The following TNRC18 variants were observed in gnomAD, a reference collection of about 807,000 sequenced individuals.
The protein encoded by TNRC18 is trinucleotide repeat containing 18.
TNRC18 carries 69 observed loss-of-function variants against 226.7 expected under a neutral mutation model. That is an observed-to-expected ratio of 0.30 (90% CI 0.25 to 0.37). TNRC18 has a LOEUF of 0.37. Ranked by LOEUF, TNRC18 falls within the 10% of genes least tolerant of loss-of-function variation. The probability of loss-of-function intolerance (pLI) is 1.00; values close to 1 mark genes in which losing one functional copy is unlikely to be tolerated. For synonymous variants in TNRC18, 2,449 were observed against 1,927.6 expected, an observed-to-expected ratio of 1.27 and a Z score of -7.09; for missense variants, 4,754 against 4,256.6, an observed-to-expected ratio of 1.12 and a Z score of -3.25.
intron 19 of TNRC18, among the ~76,000 whole-genome samples, chr7:5,327,344 G>A (rs1302233736): frequency 6.6e-6 from 1 of 151,806 alleles, no homozygotes; most frequent in African/African-American, 2.4e-5. Flanking sequence ...CATTTTGGGG[G>A]GGAAAAATAT....
intron 2 of TNRC18, chr7:5,420,743 T>G: frequency 1.7e-6 from 1 of 597,298 alleles, no homozygotes; most frequent in East Asian, 3.5e-5. Context: ...CGCCCAGATT[T>G]TGAAAACTCC....
rs374636899 is a variant in TNRC18 at position 5,359,536 on chromosome 7, A to C, written c.4695T>G (p.Asp1565Glu). The C allele has an allele frequency of 3.1e-6, 5 of 1,613,794 alleles. No individual in the cohort carries two copies. In the African/African-American group the frequency reaches 4.0e-5, roughly 13 times the overall value. ...LSSKSLLTSD[D>E]YELGAGIRKR... Reference sequence around the variant, plus strand: ...TTCTTATCCCTGCTCCCAGCTCATAATCATCTGATGTCAGCAGAGACTTGC... The same window carrying C: ...TTCTTATCCCTGCTCCCAGCTCATACTCATCTGATGTCAGCAGAGACTTGC... The change falls in exon 15 of 30, where the codon GAT becomes GAG. Residue 1565 changes from aspartate to glutamate, a missense_variant. Asp to Glu is a conservative substitution (Grantham distance 45). Coordinates refer to ENST00000430969, the MANE Select transcript of TNRC18 (RefSeq NM_001080495.3).
In TNRC18 at chr7:5,316,072, C is replaced by T; in HGVS notation, c.6746G>A (p.Gly2249Glu). The T allele has an allele frequency of 6.2e-7, 1 of 1,611,038 alleles. No homozygotes were observed. The highest frequency in any genetic ancestry group is 8.5e-7 in the Non-Finnish European group (1 of 1,178,672). The stretch of plus-strand genomic sequence containing the variant: ...CCCATCGTCCTCCAGGTCCAGTAAC[C>T]CTGTGGGAAGAGGGGAGGCTCAGGG... ...RCLYPGTVVR[G>E]LLDLEDDGDL... The change falls in exon 25 of 30, where the codon GGG (glycine) becomes GAG (glutamate). Residue 2249 changes from glycine (G) to glutamate (E), a missense_variant and splice_region_variant. Coordinates refer to ENST00000430969, the MANE Select transcript of TNRC18 (RefSeq NM_001080495.3).
chr7:5,316,129 G>A (rs1004435520), intron 24 of TNRC18, 57 bp from the exon 25 acceptor site: 16 of 1,370,696 alleles, frequency 1.2e-5, no homozygotes, highest in African/African-American at 5.7e-5. Flanking sequence ...CCCTAGTGAC[G>A]CACAAGGGTC....
At position 5,359,430 on chromosome 7, in the gene TNRC18, C is replaced by T; in HGVS notation, c.4801G>A (p.Glu1601Lys). 6.2e-7 allele frequency: 1 copy of T among 1,614,060 alleles called. No homozygotes were observed. The highest frequency in any genetic ancestry group is 8.5e-7 in the Non-Finnish European group (1 of 1,179,900). ...ATGAAGTCCGACGAGGCCTCATGTTCATCCCAAGTCTGGTTCCTCCCCCTG... is the reference window on the plus strand; with the variant it reads ...ATGAAGTCCGACGAGGCCTCATGTTTATCCCAAGTCTGGTTCCTCCCCCTG... Reference protein sequence around the residue: ...KARGRNQTWDEHEASSDFISQ... With the variant: ...KARGRNQTWDKHEASSDFISQ... Residue 1601 changes from glutamate to lysine, a missense_variant, in exon 15 of 30, where the codon GAA becomes AAA. Coordinates refer to ENST00000430969, the MANE Select transcript of TNRC18 (RefSeq NM_001080495.3).
intron 5 of TNRC18, among the ~76,000 whole-genome samples, chr7:5,380,374 A>T (rs1779314981): frequency 6.6e-6 from 1 of 152,220 alleles, no homozygotes; most frequent in Admixed American, 6.5e-5. Flanking sequence ...TGAGCCCAGG[A>T]GGTGGAGACT....
intron 3 of TNRC18, 54 bp from the exon 4 acceptor site, chr7:5,390,682 A>C: frequency 6.9e-7 from 1 of 1,452,118 alleles, no homozygotes; most frequent in Non-Finnish European, 9.1e-7. Context: ...GCTCACCAGG[A>C]GCTTCCTTCC....
rs1787313072 is a variant in TNRC18, at chr7:5,312,337, G to A, written c.8388+166C>T. ...AGTCCGACAGACCCAGGTGCCTGAG[G>A]ACACTCTGAGACTCAGTGTACCCAT... On this transcript the variant is annotated intron_variant, in intron 27 of 29. Transcript: ENST00000430969. The surrounding 1 kb of genome is among the most constrained non-coding windows in gnomAD (Gnocchi z 6.3). Among the ~76,000 whole-genome samples, 2 of 152,316 alleles carry A rather than the reference G, an allele frequency of 1.3e-5. No individual in the cohort carries two copies. The highest frequency in any genetic ancestry group is 2.1e-4 in the South Asian group (1 of 4,828).
In TNRC18 at chr7:5,421,106, C is replaced by A; in HGVS notation, c.141G>T (p.Leu47=). 6.8e-7 allele frequency: 1 copy of A among 1,474,862 alleles called. No individual in the cohort carries two copies. 91.4% of individuals were successfully genotyped at this position (1,474,862 alleles called of 1,614,324 possible). Residue 47 remains leucine (L), a synonymous_variant, in exon 2 of 30, where the codon CTG becomes CTT. Transcript: ENST00000430969. Reference sequence around the variant, plus strand: ...GGCCGGCCATGTACTTCCCGGGCGGCAGCGGGCCGGGCAAGCCCGAGGCGG... The same window carrying A: ...GGCCGGCCATGTACTTCCCGGGCGGAAGCGGGCCGGGCAAGCCCGAGGCGG... ...RLPASGLPGP[L]PPGKYMAGLN...
chr7:5,416,655 A>AGACC (rs1413402063), intron 2 of TNRC18, among the ~76,000 whole-genome samples: 1 of 151,782 alleles, frequency 6.6e-6, no homozygotes, highest in African/African-American at 2.4e-5. Context: ...CAGGAGTTTA[A>AGACC]GACCAGCCTG....
chr7:5,374,598 G>C, intron 9 of TNRC18, 114 bp from the exon 10 acceptor site: 3 of 1,134,292 alleles, frequency 2.6e-6, no homozygotes, highest in African/African-American at 1.6e-5. Flanking sequence ...CTCATGCAGG[G>C]CCTGGGGTCC....
chr7:5,418,652 TAAAC>T (rs1782341522), intron 2 of TNRC18, among the ~76,000 whole-genome samples: 1 of 151,892 alleles, frequency 6.6e-6, no homozygotes, highest in Non-Finnish European at 1.5e-5. Flanking sequence ...GGTACAAAAA[TAAAC>T]AAATAAAGAT....
rs558931373 is a variant in TNRC18 at position 5,345,872 on chromosome 7, C to T, written c.5471-62G>A. ...GGCCTTGGCGAGGGCCACCCCCCAC[C>T]GCCCCCTGGCCCAGAGTGGCCTCTG... On this transcript the variant is annotated intron_variant, in intron 17 of 29. Coordinates refer to ENST00000430969, the MANE Select transcript of TNRC18 (RefSeq NM_001080495.3). 1.5e-4 allele frequency: 222 copies of T among 1,491,596 alleles called. No individual in the cohort carries two copies. The East Asian group carries it at 3.4e-3, about 23-fold the overall frequency. 92.4% of individuals were successfully genotyped at this position (1,491,596 alleles called of 1,614,324 possible). A position where few individuals can be genotyped will look rare whatever the true frequency, so the allele number is the denominator to read the frequency against.
chr7:5,399,786 G>C lies in TNRC18; in HGVS notation c.188-5191C>G, dbSNP rs777839187. 1.1e-4 allele frequency among the ~76,000 whole-genome samples: 16 copies of C among 152,176 alleles called. 1 individual carries two copies. Among genetic ancestry groups the C allele is most frequent in the Admixed American group, 2.6e-4 (4 of 15,280 alleles). Reference sequence around the variant, plus strand: ...TAATACCAGCACTTTGGGAGGCCTAGGCGGGTGGATCGTGGATCACTTGAG... The same window carrying C: ...TAATACCAGCACTTTGGGAGGCCTACGCGGGTGGATCGTGGATCACTTGAG... On this transcript the variant is annotated intron_variant, in intron 2 of 29. Coordinates refer to ENST00000430969, the MANE Select transcript of TNRC18 (RefSeq NM_001080495.3).
At position 5,313,692 on chromosome 7, in the gene TNRC18, G is replaced by A; in HGVS notation, c.7199C>T (p.Pro2400Leu). 6.2e-7 allele frequency: 1 copy of A among 1,603,222 alleles called. No homozygotes were observed. The highest frequency in any genetic ancestry group is 8.5e-7 in the Non-Finnish European group (1 of 1,175,056). ...TGCTGGGCAGCTGGTGAAGGCGGGT[G>A]GTGCGGGACTGGGCTGCGGCGGTGC... ...RPAPPQPSPA[P>L]PAFTSCPAPE... The change falls in exon 27 of 30, where the codon CCA becomes CTA. Residue 2400 changes from proline to leucine, a missense_variant. Physicochemically the swap from Pro to Leu is moderately conservative, Grantham distance 98. Coordinates refer to ENST00000430969, the MANE Select transcript of TNRC18 (RefSeq NM_001080495.3).
rs1780001373 is a variant in TNRC18, at chr7:5,388,548, G to A, written c.1276C>T (p.Leu426=). The A allele has an allele frequency of 7.6e-6, 10 of 1,307,736 alleles. No homozygotes were observed. The highest frequency in any genetic ancestry group is 9.7e-6 in the Non-Finnish European group (10 of 1,030,790). 81.0% of individuals were successfully genotyped at this position (1,307,736 alleles called of 1,614,324 possible). ...SPRPLDRPEG[L]REKNSVIRSL... Reference sequence around the variant, plus strand: ...CGGATGACCGAGTTCTTCTCGCGCAGGCCCTCGGGCCGGTCCAGAGGCCGC... The same window carrying A: ...CGGATGACCGAGTTCTTCTCGCGCAAGCCCTCGGGCCGGTCCAGAGGCCGC... The change falls in exon 5 of 30, where the codon CTG becomes TTG. Residue 426 remains leucine (L), a synonymous_variant. Transcript: ENST00000430969.
rs1484181770 is a variant in TNRC18 at position 5,315,941 on chromosome 7, G to A, written c.6862+15C>T. On this transcript the variant is annotated intron_variant, in intron 25 of 29. Transcript: ENST00000430969. ...CCCCTGGCAGGAGACCGGGTGTCATGAGCTTGTCACTTACACTGTATCTTA... is the reference window on the plus strand; with the variant it reads ...CCCCTGGCAGGAGACCGGGTGTCATAAGCTTGTCACTTACACTGTATCTTA... 8 of 1,550,926 alleles carry A rather than the reference G, an allele frequency of 5.2e-6. No homozygotes were observed. Among genetic ancestry groups the A allele is most frequent in the Non-Finnish European group, 7.0e-6 (8 of 1,150,632 alleles).
intron 2 of TNRC18, among the ~76,000 whole-genome samples, chr7:5,414,144 A>G (rs1353668621): frequency 6.6e-6 from 1 of 151,464 alleles, no homozygotes; most frequent in Admixed American, 6.6e-5. Context: ...ATGGGATTTC[A>G]CCATGTTGGC....
chr7:5,381,767 A>G (rs757866572), intron 5 of TNRC18, among the ~76,000 whole-genome samples: 45 of 152,158 alleles, frequency 3.0e-4, no homozygotes, highest in Non-Finnish European at 5.0e-4. Flanking sequence ...GGAGTTCAAG[A>G]CCAGCCTGGC....
Sources: allele counts gnomAD v4.1 joint callset (sites outside exome capture counted in the v4.1 genomes callset), GRCh38; gene constraint gnomAD v4.1.1; non-coding constraint Gnocchi (gnomAD v3.1); transcripts MANE v1.5; gene names NCBI Gene and HGNC (gene_info 2026-07-23, HGNC 2026-07-21).